DNAJB13: variants seen among roughly 807,000 people sequenced by gnomAD.
The protein encoded by DNAJB13 is dnaJ homolog subfamily B member 13.
A neutral mutation model predicts 35.6 loss-of-function variants in DNAJB13; 22 were observed. That is an observed-to-expected ratio of 0.62 (90% confidence interval 0.44 to 0.88). DNAJB13 has a LOEUF of 0.88. DNAJB13 is among the 40% of genes least tolerant of loss of function. The pLI is 0.00. For missense variants in DNAJB13, 370 were observed against 384.3 expected (o/e 0.96, Z 0.31); for synonymous variants, 136 against 144.2 (o/e 0.94, Z 0.41).
At chr11:73,968,609 C>T (rs1046994583) in intron 6 of DNAJB13, 151 bp downstream of exon 6, 9 of 662,062 alleles carry the variant, frequency 1.4e-5, no homozygotes, top group African/African-American at 1.8e-5. Flanking sequence ...CACTTGGTCC[C>T]GTCTGCTCAT....
At chr11:73,954,619 G>T in intron 1 of DNAJB13, among the ~76,000 whole-genome samples, 1 of 139,792 alleles carries the variant, frequency 7.2e-6, no homozygotes, top group East Asian at 2.1e-4. Flanking sequence ...AACAGAGTGA[G>T]ACTCCGTCTC....
chr11:73,966,054 A>T, intron 4 of DNAJB13, 84 bp from the exon 5 acceptor site: 1 of 1,245,776 alleles, frequency 8.0e-7, no homozygotes, highest in Admixed American at 2.0e-5. Flanking sequence ...AGGTCACCTG[A>T]GTGTTCATGA....
chr11:73,953,446 A>G (rs1444987610), intron 1 of DNAJB13, among the ~76,000 whole-genome samples: 1 of 152,124 alleles, frequency 6.6e-6, no homozygotes, highest in East Asian at 1.9e-4. Flanking sequence ...CGAGTGTACA[A>G]TTTCTGTCCC....
At chr11:73,963,996 C>A (rs1261154375) in intron 3 of DNAJB13, 1 of 152,212 alleles carries the variant, frequency 6.6e-6, no homozygotes, top group African/African-American at 2.4e-5. Flanking sequence ...TTTGTTTGGG[C>A]TCCCTGGACC....
chr11:73,954,124 AGACCAGCCT>A (rs902176572), intron 1 of DNAJB13, among the ~76,000 whole-genome samples: 2 of 151,074 alleles, frequency 1.3e-5, no homozygotes, highest in African/African-American at 4.9e-5. Flanking sequence ...CAGGAGTTTG[AGACCAGCCT>A]GGCCAACTTG....
In DNAJB13 at chr11:73,959,618, G is replaced by T; in HGVS notation, c.297G>T (p.Val99=). 1 of 1,614,206 alleles carries T rather than the reference G, an allele frequency of 6.2e-7. No homozygotes were observed. The highest frequency in any genetic ancestry group is 8.5e-7 in the Non-Finnish European group (1 of 1,180,014). Reference sequence around the variant, plus strand: ...TCTTCCATGGCAAACCTGAAAAGGTGTTCCACGAGTTCTTTGGTGGAAACA... The same window carrying T: ...TCTTCCATGGCAAACCTGAAAAGGTTTTCCACGAGTTCTTTGGTGGAAACA... ...GYVFHGKPEK[V]FHEFFGGNNP... is the part of the protein sequence containing the mutation. Residue 99 remains valine (V), a synonymous_variant, in exon 3 of 8, where the codon GTG becomes GTT. Transcript: ENST00000339764.
intron 5 of DNAJB13, chr11:73,967,875 T>A: frequency 4.9e-6 from 1 of 202,098 alleles, no homozygotes; most frequent in Non-Finnish European, 9.8e-6. Flanking sequence ...CCCTTTATCA[T>A]GTCTTGAGCG....
At chr11:73,961,578 C>T (rs1950933530) in intron 3 of DNAJB13, among the ~76,000 whole-genome samples, 1 of 152,202 alleles carries the variant, frequency 6.6e-6, no homozygotes, top group Non-Finnish European at 1.5e-5. Flanking sequence ...CAGTGCCCAC[C>T]AGCTCCAGAC....
At chr11:73,966,539 C>G (rs1951121395) in intron 5 of DNAJB13, among the ~76,000 whole-genome samples, 2 of 152,072 alleles carry the variant, frequency 1.3e-5, no homozygotes, top group African/African-American at 4.8e-5. Flanking sequence ...AGGGCAAGAA[C>G]ATGGGAGCTG....
At chr11:73,969,027 A>T (rs992220594) in intron 6 of DNAJB13, among the ~76,000 whole-genome samples, 1 of 152,152 alleles carries the variant, frequency 6.6e-6, no homozygotes, top group African/African-American at 2.4e-5. Context: ...TGTCTCCATC[A>T]TTACATTTAT....
Position 73,959,497 on chromosome 11 carries a change from T to C in DNAJB13, c.176T>C (p.Met59Thr), listed in dbSNP as rs1950863355. 9.3e-6 allele frequency: 15 copies of C among 1,613,280 alleles called. No homozygotes were observed. The highest frequency in any genetic ancestry group is 8.5e-6 in the Non-Finnish European group (10 of 1,179,468). Residue 59 changes from methionine to threonine, a missense_variant, in exon 3 of 8, where the codon ATG (methionine) becomes ACG (threonine). Met to Thr is a moderately conservative substitution (Grantham distance 81). Coordinates refer to ENST00000339764, the MANE Select transcript of DNAJB13 (RefSeq NM_153614.4). ...TTAAGGTGATGCCCATCCACAGCCA[T>C]GAAGAGAGGCATCTACGACAAGTTT... Reference protein sequence around the residue: ...AEAYDVLSDPMKRGIYDKFGE... With the variant: ...AEAYDVLSDPTKRGIYDKFGE...
At chr11:73,953,337 C>G (rs888290757) in intron 1 of DNAJB13, among the ~76,000 whole-genome samples, 2 of 152,094 alleles carry the variant, frequency 1.3e-5, no homozygotes, top group Non-Finnish European at 2.9e-5. Flanking sequence ...TGTAGCAGGA[C>G]GAGCCGCAGA....
At chr11:73,968,238 C>A in intron 5 of DNAJB13, 107 bp from the exon 6 acceptor site, 1 of 975,664 alleles carries the variant, frequency 1.0e-6, no homozygotes, top group Non-Finnish European at 1.6e-6. Flanking sequence ...AACCTGCTCT[C>A]ATCTCCCCAT....
intron 3 of DNAJB13, among the ~76,000 whole-genome samples, chr11:73,963,005 T>C (rs1201871112): frequency 6.6e-6 from 1 of 152,130 alleles, no homozygotes; most frequent in Non-Finnish European, 1.5e-5. Flanking sequence ...AGGGCTATTA[T>C]CAGATGAGAT....
intron 4 of DNAJB13, chr11:73,965,932 G>T: frequency 1.8e-6 from 1 of 560,528 alleles, no homozygotes. Flanking sequence ...ATGGCAACAG[G>T]ATGGGAGTGG....
intron 1 of DNAJB13, among the ~76,000 whole-genome samples, chr11:73,957,606 A>G (rs1950788301): frequency 6.6e-6 from 1 of 152,218 alleles, no homozygotes; most frequent in African/African-American, 2.4e-5. Flanking sequence ...CGTTGAAGTC[A>G]AATGAGCCGT....
chr11:73,952,882 A>C (rs1404110840), intron 1 of DNAJB13, among the ~76,000 whole-genome samples: 5 of 151,440 alleles, frequency 3.3e-5, no homozygotes, highest in Admixed American at 6.6e-5. Flanking sequence ...ATTAGATGAG[A>C]TAATGCATGT....
intron 3 of DNAJB13, chr11:73,964,472 C>T: frequency 4.3e-6 from 1 of 231,070 alleles, no homozygotes. Flanking sequence ...GGACTACCAG[C>T]AGTCTCTTCT....
At chr11:73,960,066 C>A (rs1019426497) in intron 3 of DNAJB13, among the ~76,000 whole-genome samples, 1 of 152,130 alleles carries the variant, frequency 6.6e-6, no homozygotes, top group Non-Finnish European at 1.5e-5. Flanking sequence ...CCGTGCCCGG[C>A]CTATTTTTAC....
Sources: gnomAD v4.1 joint callset for allele counts (sites outside exome capture counted in the v4.1 genomes callset) on GRCh38, gnomAD v4.1.1 for gene constraint, MANE v1.5 for transcripts, NCBI Gene and HGNC (gene_info 2026-07-23, HGNC 2026-07-21) for gene names.